Variants in RAPGEF6 observed in about 807,000 individuals in gnomAD.
RAPGEF6 encodes Rap guanine nucleotide exchange factor 6, also known as PDZ domain containing guanine nucleotide exchange factor (GEF) 2.
A neutral mutation model predicts 171.4 loss-of-function variants in RAPGEF6; 56 were observed. The ratio of observed to expected loss-of-function variants is 0.33; its 90% CI spans 0.26 to 0.41. RAPGEF6 has a LOEUF of 0.41. Ranked by LOEUF, RAPGEF6 falls within the 10% of genes least tolerant of loss-of-function variation. RAPGEF6 has a pLI of 1.00. For missense variants in RAPGEF6, 1,674 were observed against 1,921.4 expected (o/e 0.87, Z 2.41); for synonymous variants, 692 against 650.1 (o/e 1.06, Z -0.98).
At chr5:131,445,911 T>C (rs1300296619) in intron 22 of RAPGEF6, among the ~76,000 whole-genome samples, 2 of 152,198 alleles carry the variant, frequency 1.3e-5, no homozygotes, top group South Asian at 2.1e-4. Context: ...TTTCTGCTCT[T>C]AGAATTCATA....
At chr5:131,571,971 T>C (rs9327618) in intron 4 of RAPGEF6, among the ~76,000 whole-genome samples, 7,911 of 152,108 alleles carry the variant, frequency 0.052, 354 homozygotes, top group African/African-American at 0.12. Context: ...TACTTTGTAA[T>C]ATCCATCCCC....
At chr5:131,607,011 G>T (rs1219998288) in intron 1 of RAPGEF6, among the ~76,000 whole-genome samples, 1 of 152,218 alleles carries the variant, frequency 6.6e-6, no homozygotes, top group Non-Finnish European at 1.5e-5. Flanking sequence ...GTGGCTCACA[G>T]TGGGTCCACT....
Position 131,489,676 on chromosome 5 carries a change from C to G in RAPGEF6, c.1732-22G>C, listed in dbSNP as rs541180464. On this transcript the variant is annotated intron_variant, in intron 14 of 27. Transcript: ENST00000509018. The stretch of plus-strand genomic sequence containing the variant: ...TAATCTTAAAAGTATTTAAAAAATA[C>G]AAATTAATACAGAACAGTATTAGTT... 4.4e-5 allele frequency: 58 copies of G among 1,308,592 alleles called. No individual in the cohort carries two copies. In the Middle Eastern group the frequency reaches 7.8e-4, roughly 18 times the overall value. The allele number at this position is 1,308,592 out of a possible 1,614,324, so 81.1% of individuals were successfully genotyped here.
intron 1 of RAPGEF6, among the ~76,000 whole-genome samples, chr5:131,616,935 T>C (rs949964713): frequency 6.6e-6 from 1 of 152,180 alleles, no homozygotes; most frequent in African/African-American, 2.4e-5. Context: ...AACATCATTA[T>C]CCAAAACTTT....
intron 4 of RAPGEF6, among the ~76,000 whole-genome samples, chr5:131,574,691 G>T (rs1448337305): frequency 6.6e-6 from 1 of 151,874 alleles, no homozygotes; most frequent in Non-Finnish European, 1.5e-5. Flanking sequence ...ACACCTCATT[G>T]CTGCCCTTTT....
chr5:131,440,315 A>G (rs1752297366), intron 23 of RAPGEF6: 1 of 445,888 alleles, frequency 2.2e-6, no homozygotes, highest in African/African-American at 2.0e-5. Context: ...TTACAGTCCT[A>G]TCATTACCCT....
At chr5:131,450,807 A>G (rs1753014394) in intron 21 of RAPGEF6, among the ~76,000 whole-genome samples, 1 of 152,228 alleles carries the variant, frequency 6.6e-6, no homozygotes, top group South Asian at 2.1e-4. Flanking sequence ...AATCTTTAAA[A>G]AAGATGTTTT....
At chr5:131,464,471 T>A in intron 17 of RAPGEF6, 190 bp from the exon 18 acceptor site, 1 of 527,426 alleles carries the variant, frequency 1.9e-6, no homozygotes, top group Non-Finnish European at 3.3e-6. Context: ...TAACAAATCA[T>A]TGATAGAAAA....
At chr5:131,552,389 TAA>T in intron 5 of RAPGEF6, among the ~76,000 whole-genome samples, 1 of 151,782 alleles carries the variant, frequency 6.6e-6, no homozygotes, top group East Asian at 1.9e-4. Context: ...GCAAGTAAAC[TAA>T]AAGAGATTCA....
Position 131,592,558 on chromosome 5 carries a change from C to T in RAPGEF6, c.198-92G>A, listed in dbSNP as rs1763656731. 3 of 1,472,598 alleles carry T rather than the reference C, an allele frequency of 2.0e-6. 1 individual carries two copies. The highest frequency in any genetic ancestry group is 1.3e-5 in the South Asian group (1 of 74,970). 91.2% of individuals were successfully genotyped at this position (1,472,598 alleles called of 1,614,324 possible). ...TAAGAAATATATTCTGATAATAGTA[C>T]AAATAATTAAAAATGAAGTAACACT... On this transcript the variant is annotated intron_variant, in intron 3 of 27. Coordinates refer to ENST00000509018, the MANE Select transcript of RAPGEF6 (RefSeq NM_016340.6).
intron 1 of RAPGEF6, among the ~76,000 whole-genome samples, chr5:131,623,074 CAA>C (rs1341140661): frequency 2.0e-5 from 3 of 152,058 alleles, no homozygotes; most frequent in African/African-American, 7.2e-5. Context: ...CAAAACAAAA[CAA>C]AACAAAAAAA....
chr5:131,608,491 A>G (rs1177005198), intron 1 of RAPGEF6, among the ~76,000 whole-genome samples: 1 of 152,208 alleles, frequency 6.6e-6, no homozygotes, highest in Non-Finnish European at 1.5e-5. Flanking sequence ...AGAAAAGGAA[A>G]AATCTCCTCA....
At chr5:131,527,295 A>G (rs1233073490) in intron 6 of RAPGEF6, among the ~76,000 whole-genome samples, 1 of 151,498 alleles carries the variant, frequency 6.6e-6, no homozygotes. Flanking sequence ...ACAAAACAAC[A>G]ACAACAACAA....
intron 4 of RAPGEF6, among the ~76,000 whole-genome samples, chr5:131,577,589 C>T (rs1762680062): frequency 6.6e-6 from 1 of 152,136 alleles, no homozygotes; most frequent in South Asian, 2.1e-4. Flanking sequence ...ATGAAGACAC[C>T]CTAGCTGGAT....
In RAPGEF6 at chr5:131,635,172, C is replaced by T; in HGVS notation, c.-142G>A. 1 of 823,840 alleles carries T rather than the reference C, an allele frequency of 1.2e-6. No individual in the cohort carries two copies. The highest frequency in any genetic ancestry group is 1.8e-5 in the South Asian group (1 of 54,738). The allele number at this position is 823,840 out of a possible 1,614,324, so 51.0% of individuals were successfully genotyped here. ...ACAAGGTCCGAACTCTAGCAAACAACCCTTCGCAACGCCCGCCTAAGGCCT... is the reference window on the plus strand; with the variant it reads ...ACAAGGTCCGAACTCTAGCAAACAATCCTTCGCAACGCCCGCCTAAGGCCT... On this transcript the variant is annotated 5_prime_UTR_variant, in exon 1 of 28. Transcript: ENST00000509018.
At chr5:131,571,694 TTTG>T (rs1374405704) in intron 4 of RAPGEF6, among the ~76,000 whole-genome samples, 1 of 152,208 alleles carries the variant, frequency 6.6e-6, no homozygotes, top group Non-Finnish European at 1.5e-5. Context: ...AGCAGGTGTT[TTTG>T]TTTTTAATTA....
chr5:131,468,859 T>A (rs1397105523), intron 17 of RAPGEF6, among the ~76,000 whole-genome samples: 1 of 152,074 alleles, frequency 6.6e-6, no homozygotes, highest in East Asian at 1.9e-4. Context: ...ATTGAAAAAA[T>A]TGTTCTGCAA....
chr5:131,593,513 G>A (rs1235716800), intron 3 of RAPGEF6, among the ~76,000 whole-genome samples: 2 of 152,180 alleles, frequency 1.3e-5, no homozygotes, highest in Non-Finnish European at 2.9e-5. Context: ...ATGGTTTGGA[G>A]GACTCAGAAA....
chr5:131,583,267 T>G (rs1239833900), intron 4 of RAPGEF6, among the ~76,000 whole-genome samples: 1 of 152,190 alleles, frequency 6.6e-6, no homozygotes, highest in Non-Finnish European at 1.5e-5. Context: ...ACATGCCTTG[T>G]TATATCCCCT....
Sources: allele counts gnomAD v4.1 joint callset (sites outside exome capture counted in the v4.1 genomes callset), GRCh38; gene constraint gnomAD v4.1.1; transcripts MANE v1.5; gene names NCBI Gene and HGNC (gene_info 2026-07-23, HGNC 2026-07-21).